XPO4: variants seen among roughly 807,000 people sequenced by gnomAD.
XPO4 encodes the protein exportin 4.
A neutral mutation model predicts 143.0 loss-of-function variants in XPO4; 39 were observed. The observed-to-expected ratio is 0.27, with a 90% CI of 0.21 to 0.36. The LOEUF is 0.36. Ranked by LOEUF, XPO4 falls within the 10% of genes least tolerant of loss-of-function variation. The pLI, the probability that XPO4 is intolerant of heterozygous loss-of-function variation, is 1.00. For synonymous variants in XPO4, 439 were observed against 474.0 expected, an observed-to-expected ratio of 0.93 and a Z score of 0.96; for missense variants, 907 against 1,348.0, an observed-to-expected ratio of 0.67 and a Z score of 5.12.
At chr13:20,809,289 G>C (rs904410098) in intron 10 of XPO4, 64 bp from the exon 11 acceptor site, 8 of 1,562,488 alleles carry the variant, frequency 5.1e-6, no homozygotes, top group Non-Finnish European at 6.1e-6. Flanking sequence ...GCACTTCTGT[G>C]GCTCCATAAC....
rs1237905394 is a variant in XPO4, at chr13:20,779,650, C to T, written c.*4072G>A. ...TCGCCACGGCCGACTTCAGCATTCT[C>T]GTCTTTACTAAGACTTACCCATAGA... On this transcript the variant is annotated 3_prime_UTR_variant, in exon 23 of 23. Transcript: ENST00000255305. The T allele has an allele frequency of 6.6e-6, 1 of 152,620 alleles. No individual in the cohort carries two copies. Among genetic ancestry groups the T allele is most frequent in the African/African-American group, 2.4e-5 (1 of 41,460 alleles). 9.5% of individuals were successfully genotyped at this position (152,620 alleles called of 1,614,324 possible).
rs1286627784 is a variant in XPO4 at position 20,782,214 on chromosome 13, AG to A, written c.*1507del. On this transcript the variant is annotated 3_prime_UTR_variant, in exon 23 of 23. Coordinates refer to ENST00000255305, the MANE Select transcript of XPO4 (RefSeq NM_022459.5). Reference sequence around the variant, plus strand: ...ACACATATGCTATATGCAATCAGGTAGAAAAACCGTATTTGCAGAATGGTTT... The same window carrying A: ...ACACATATGCTATATGCAATCAGGTAAAAAACCGTATTTGCAGAATGGTTT... The A allele has an allele frequency of 1.3e-5, 2 of 152,268 alleles. No individual in the cohort carries two copies. The highest frequency in any genetic ancestry group is 4.8e-5 in the African/African-American group (2 of 41,474). The allele number at this position is 152,268 out of a possible 1,614,324, so 9.4% of individuals were successfully genotyped here. A position where few individuals can be genotyped will look rare whatever the true frequency, so the allele number is the denominator to read the frequency against.
intron 22 of XPO4, among the ~76,000 whole-genome samples, chr13:20,785,439 G>A (rs538924977): frequency 1.3e-4 from 20 of 152,164 alleles, no homozygotes; most frequent in African/African-American, 4.3e-4. Context: ...TTGGGAGGCC[G>A]AGGCGAGTGG....
At chr13:20,810,087 G>C in intron 9 of XPO4, 120 bp from the exon 10 acceptor site, 1 of 789,992 alleles carries the variant, frequency 1.3e-6, no homozygotes, top group Non-Finnish European at 1.8e-6. Flanking sequence ...CCCAATTATT[G>C]ATAAGTTTTT....
chr13:20,866,453 T>G, intron 2 of XPO4: 1 of 886,604 alleles, frequency 1.1e-6, no homozygotes, highest in Non-Finnish European at 1.4e-6. Context: ...AAATGACACA[T>G]AATCCCTAAA....
chr13:20,850,743 C>T (rs2060076481), intron 4 of XPO4: 12 of 950,920 alleles, frequency 1.3e-5, no homozygotes, highest in East Asian at 1.2e-4. Context: ...TCAGCCCAGG[C>T]GATAGAGCGA....
chr13:20,866,932 A>G (rs1179205977), intron 2 of XPO4, among the ~76,000 whole-genome samples: 3 of 152,214 alleles, frequency 2.0e-5, no homozygotes, highest in African/African-American at 7.2e-5. Flanking sequence ...GTCAGATGAA[A>G]CACTGATGGA....
chr13:20,864,614 T>C (rs940077219), intron 2 of XPO4, among the ~76,000 whole-genome samples: 7 of 152,216 alleles, frequency 4.6e-5, no homozygotes, highest in Non-Finnish European at 8.8e-5. Context: ...CACATGCCAC[T>C]GAAGATAGAG....
At chr13:20,851,671 T>A in intron 4 of XPO4, 1 of 772,144 alleles carries the variant, frequency 1.3e-6, no homozygotes, top group Non-Finnish European at 1.6e-6. Flanking sequence ...GACTACACCA[T>A]TGCCCTCCAG....
At position 20,799,929 on chromosome 13, in the gene XPO4, C is replaced by T. The variant is rs536294870; in HGVS notation, c.2147+227G>A. On this transcript the variant is annotated intron_variant, in intron 15 of 22. Transcript: ENST00000255305. Reference sequence around the variant, plus strand: ...TACTCATAGGGCTTTGATGCCAAATCCTGAAGGAGTCAATGTAATGCTCAA... The same window carrying T: ...TACTCATAGGGCTTTGATGCCAAATTCTGAAGGAGTCAATGTAATGCTCAA... Among the ~76,000 whole-genome samples the T allele has an allele frequency of 1.1e-3, 164 of 152,160 alleles. 2 individuals carry two copies. The highest frequency in any genetic ancestry group is 1.8e-3 in the Non-Finnish European group (124 of 68,038).
chr13:20,840,273 T>C lies in XPO4; in HGVS notation c.727+2622A>G, dbSNP rs1314628155. Among the ~76,000 whole-genome samples, 3 of 152,238 alleles carry C rather than the reference T, an allele frequency of 2.0e-5. 1 individual carries two copies. In the East Asian group the frequency reaches 5.8e-4, roughly 29 times the overall value. On this transcript the variant is annotated intron_variant, in intron 6 of 22. Transcript: ENST00000255305. The stretch of plus-strand genomic sequence containing the variant: ...GCCCAGGGTGAGTGCAGTGGCATGA[T>C]CATGGCTCACTGTAGCTTCAACCTT...
chr13:20,786,956 G>A lies in XPO4; in HGVS notation c.3258+9C>T. On this transcript the variant is annotated intron_variant, in intron 22 of 22. Transcript: ENST00000255305. The stretch of plus-strand genomic sequence containing the variant: ...AGAAGAGTCCCCTGAAAAGAGGCAT[G>A]TCCAGTACCTGGTGCAAACACACCA... The A allele has an allele frequency of 6.4e-7, 1 of 1,552,626 alleles. No homozygotes were observed. Among genetic ancestry groups the A allele is most frequent in the Non-Finnish European group, 8.7e-7 (1 of 1,147,258 alleles).
At chr13:20,880,600 A>G (rs774619180) in intron 1 of XPO4, among the ~76,000 whole-genome samples, 5 of 152,266 alleles carry the variant, frequency 3.3e-5, no homozygotes, top group Non-Finnish European at 5.9e-5. Flanking sequence ...AATGTTCACT[A>G]AAGAATGAAT....
At chr13:20,887,268 A>G (rs556128799) in intron 1 of XPO4, among the ~76,000 whole-genome samples, 1 of 152,296 alleles carries the variant, frequency 6.6e-6, no homozygotes, top group African/African-American at 2.4e-5. Context: ...AAATTTATAC[A>G]TCAATCCTAC....
Position 20,809,887 on chromosome 13 carries a change from T to G in XPO4, c.1254A>C (p.Lys418Asn). Reference protein sequence around the residue: ...ESWLTLVQDDKHFHKGFFTQH... With the variant: ...ESWLTLVQDDNHFHKGFFTQH... ...GGGTAAAAAAGCCTTTATGGAAATGTTTGTCATCTTGAACCAAAGTTAACC... is the reference window on the plus strand; with the variant it reads ...GGGTAAAAAAGCCTTTATGGAAATGGTTGTCATCTTGAACCAAAGTTAACC... Residue 418 changes from lysine to asparagine, a missense_variant, in exon 10 of 23, where the codon AAA becomes AAC. Physicochemically the swap from Lys to Asn is moderately conservative, Grantham distance 94 (BLOSUM62 0). Coordinates refer to ENST00000255305, the MANE Select transcript of XPO4 (RefSeq NM_022459.5). 6.2e-7 allele frequency: 1 copy of G among 1,613,966 alleles called. No individual in the cohort carries two copies. The highest frequency in any genetic ancestry group is 8.5e-7 in the Non-Finnish European group (1 of 1,179,878).
chr13:20,870,233 G>T (rs1252824106), intron 1 of XPO4, among the ~76,000 whole-genome samples: 1 of 151,772 alleles, frequency 6.6e-6, no homozygotes, highest in Non-Finnish European at 1.5e-5. Flanking sequence ...TTCGAGACCA[G>T]CCTGGCCAAC....
chr13:20,860,257 A>G (rs1018760882), intron 3 of XPO4, among the ~76,000 whole-genome samples: 1 of 152,248 alleles, frequency 6.6e-6, no homozygotes, highest in Non-Finnish European at 1.5e-5. Flanking sequence ...TTTTAGGCCT[A>G]GAGGCCAAAA....
chr13:20,827,242 C>T, intron 6 of XPO4, 63 bp from the exon 7 acceptor site: 1 of 1,180,604 alleles, frequency 8.5e-7, no homozygotes. Flanking sequence ...TAAGTATATC[C>T]TAAATATAAC....
rs535524438 is a variant in XPO4 at position 20,803,895 on chromosome 13, A to G, written c.1818-2905T>C. Reference sequence around the variant, plus strand: ...ATTCCCAGAAAATCAGGCATTCCCTATTCTCTAGATGTTTACAGTTAAGGG... The same window carrying G: ...ATTCCCAGAAAATCAGGCATTCCCTGTTCTCTAGATGTTTACAGTTAAGGG... On this transcript the variant is annotated intron_variant, in intron 13 of 22. Coordinates refer to ENST00000255305, the MANE Select transcript of XPO4 (RefSeq NM_022459.5). This position sits in a 1 kb window ranked among gnomAD's most constrained non-coding sequence, Gnocchi z 4.1. Among the ~76,000 whole-genome samples, 46 of 152,264 alleles carry G rather than the reference A, an allele frequency of 3.0e-4. No individual in the cohort carries two copies. Among genetic ancestry groups the G allele is most frequent in the Non-Finnish European group, 5.7e-4 (39 of 68,024 alleles).
Sources: gnomAD v4.1 joint callset for allele counts (sites outside exome capture counted in the v4.1 genomes callset) on GRCh38, gnomAD v4.1.1 for gene constraint, Gnocchi (gnomAD v3.1) non-coding constraint, MANE v1.5 for transcripts, NCBI Gene and HGNC (gene_info 2026-07-23, HGNC 2026-07-21) for gene names.